PRKN: variants seen among roughly 807,000 people sequenced by gnomAD.
PRKN encodes the protein parkin RBR E3 ubiquitin protein ligase.
Under a neutral mutation model 59.5 loss-of-function variants are expected in PRKN, and 56 were observed. The observed-to-expected ratio is 0.94, with a 90% CI of 0.76 to 1.18. The LOEUF (loss-of-function observed/expected upper bound fraction) is 1.18, where lower values mean the gene tolerates loss of function less well. Among genes scored for constraint, PRKN ranks in the 50% most tolerant of loss-of-function variants. The pLI is 0.00. For synonymous variants in PRKN, 250 were observed against 222.1 expected, an observed-to-expected ratio of 1.13 and a Z score of -1.12; for missense variants, 657 against 596.4, an observed-to-expected ratio of 1.10 and a Z score of -1.06.
intron 6 of PRKN, among the ~76,000 whole-genome samples, chr6:161,963,318 C>T (rs914938777): frequency 2.0e-5 from 3 of 152,186 alleles, no homozygotes; most frequent in African/African-American, 2.4e-5. Flanking sequence ...TGCGCACCTG[C>T]GGTGACAGTT....
intron 7 of PRKN, among the ~76,000 whole-genome samples, chr6:161,715,743 G>T (rs1355606092): frequency 6.6e-6 from 1 of 152,120 alleles, no homozygotes; most frequent in Non-Finnish European, 1.5e-5. Context: ...GCCAGCTGTG[G>T]CTGAGAGGAT....
chr6:161,902,027 T>G (rs1442600207), intron 6 of PRKN, among the ~76,000 whole-genome samples: 1 of 152,178 alleles, frequency 6.6e-6, no homozygotes, highest in African/African-American at 2.4e-5. Flanking sequence ...TTCCGAATGG[T>G]ACTTTCTTCC....
chr6:162,007,817 C>T (rs1782319931), intron 5 of PRKN, among the ~76,000 whole-genome samples: 1 of 152,096 alleles, frequency 6.6e-6, no homozygotes, highest in African/African-American at 2.4e-5. Context: ...CTTCATTCCA[C>T]AAACACTAAA....
At chr6:162,182,099 T>C (rs887100643) in intron 4 of PRKN, among the ~76,000 whole-genome samples, 11 of 152,132 alleles carry the variant, frequency 7.2e-5, no homozygotes, top group Non-Finnish European at 1.5e-4. Context: ...AGTGTGTTCT[T>C]TTTACACACT....
intron 9 of PRKN, among the ~76,000 whole-genome samples, chr6:161,531,624 C>T (rs1347667033): frequency 1.3e-5 from 2 of 152,080 alleles, no homozygotes; most frequent in African/African-American, 2.4e-5. Flanking sequence ...GGGGCTTGTA[C>T]GTGTGAGTGG....
intron 5 of PRKN, among the ~76,000 whole-genome samples, chr6:161,997,283 G>T (rs1429733444): frequency 6.6e-6 from 1 of 152,018 alleles, no homozygotes; most frequent in Non-Finnish European, 1.5e-5. Flanking sequence ...TTAATTTTAT[G>T]TTACTGAGAG....
At chr6:162,427,870 A>C (rs1789317592) in intron 2 of PRKN, among the ~76,000 whole-genome samples, 1 of 152,128 alleles carries the variant, frequency 6.6e-6, no homozygotes, top group Middle Eastern at 3.2e-3. Flanking sequence ...AAAGTATAAA[A>C]ACATAGTTGA....
chr6:161,688,744 C>T (rs1785659900), intron 7 of PRKN, among the ~76,000 whole-genome samples: 1 of 152,168 alleles, frequency 6.6e-6, no homozygotes, highest in South Asian at 2.1e-4. Context: ...TCTTGTTCAC[C>T]ACTCAGTGAA....
At chr6:162,281,295 T>C (rs1562637663) in intron 2 of PRKN, among the ~76,000 whole-genome samples, 1 of 151,968 alleles carries the variant, frequency 6.6e-6, no homozygotes, top group Non-Finnish European at 1.5e-5. Flanking sequence ...AGGGATAGCA[T>C]TAGGAGAAAT....
At chr6:161,792,922 A>T (rs1790694669) in intron 6 of PRKN, among the ~76,000 whole-genome samples, 1 of 152,230 alleles carries the variant, frequency 6.6e-6, no homozygotes, top group African/African-American at 2.4e-5. Context: ...AAATGACTGA[A>T]ATCTCAGAGA....
Position 161,405,909 on chromosome 6 carries a change from T to C in PRKN, c.1084-19032A>G, listed in dbSNP as rs1376540811. 6.6e-6 allele frequency among the ~76,000 whole-genome samples: 1 copy of C among 152,076 alleles called. No homozygotes were observed. Among genetic ancestry groups the C allele is most frequent in the Non-Finnish European group, 1.5e-5 (1 of 68,022 alleles). The stretch of plus-strand genomic sequence containing the variant: ...CCACTAATTTGGAAAATGATGCTTT[T>C]CTTTGCTGAAGAGGAATGTCAAGTT... On this transcript the variant is annotated intron_variant, in intron 9 of 11. Transcript: ENST00000366898. The surrounding 1 kb of genome is among the most constrained non-coding windows in gnomAD (Gnocchi z 5.1).
chr6:161,545,410 C>A lies in PRKN; in HGVS notation c.1083+3444G>T. ...ATGAGGCACTCACTTCTCCCTGAGG[C>A]AGCTTATTTTGTTCTTCGTTGTCCA... is the stretch of plus-strand genomic sequence containing the variant. On this transcript the variant is annotated intron_variant, in intron 9 of 11. Transcript: ENST00000366898. This position sits in a 1 kb window ranked among gnomAD's most constrained non-coding sequence, Gnocchi z 4.1. 1 of 1,612,316 alleles carries A rather than the reference C, an allele frequency of 6.2e-7. No individual in the cohort carries two copies. Among genetic ancestry groups the A allele is most frequent in the South Asian group, 1.1e-5 (1 of 91,004 alleles).
At chr6:162,354,655 A>C (rs894208897) in intron 2 of PRKN, among the ~76,000 whole-genome samples, 3 of 152,044 alleles carry the variant, frequency 2.0e-5, no homozygotes, top group African/African-American at 7.2e-5. Context: ...TAAAGCATAC[A>C]TTTATTACAT....
chr6:161,451,923 TTTTTC>T lies in PRKN; in HGVS notation c.1084-65051_1084-65047del, dbSNP rs1283898552. On this transcript the variant is annotated intron_variant, in intron 9 of 11. Coordinates refer to ENST00000366898, the MANE Select transcript of PRKN (RefSeq NM_004562.3). The surrounding 1 kb of genome is among the most constrained non-coding windows in gnomAD (Gnocchi z 5.9). The stretch of plus-strand genomic sequence containing the variant: ...AAATTTAAGACATTCTTTTTTTTCT[TTTTTC>T]TTTTCTTTTCTTTTACTTTTTTCTT... 4.1e-5 allele frequency among the ~76,000 whole-genome samples: 6 copies of T among 146,942 alleles called. No homozygotes were observed. The highest frequency in any genetic ancestry group is 2.1e-4 in the South Asian group (1 of 4,806).
intron 10 of PRKN, among the ~76,000 whole-genome samples, chr6:161,381,563 G>A (rs1177378123): frequency 6.6e-6 from 1 of 152,178 alleles, no homozygotes; most frequent in African/African-American, 2.4e-5. Context: ...AATTTAGGAG[G>A]CAGATGGAAG....
At chr6:161,810,779 T>C (rs976978174) in intron 6 of PRKN, among the ~76,000 whole-genome samples, 15 of 152,176 alleles carry the variant, frequency 9.9e-5, no homozygotes, top group African/African-American at 3.6e-4. Flanking sequence ...AATCAAAAAA[T>C]AAAATACAGT....
rs1193018003 is a variant in PRKN, at chr6:161,379,934, G to A, written c.1167+6860C>T. ...TTCATATTACAGCCAGAGATCTTTC[G>A]AAAGCACCCATCTGATGACGTCAAT... On this transcript the variant is annotated intron_variant, in intron 10 of 11. Coordinates refer to ENST00000366898, the MANE Select transcript of PRKN (RefSeq NM_004562.3). This position sits in a 1 kb window ranked among gnomAD's most constrained non-coding sequence, Gnocchi z 4.9. Among the ~76,000 whole-genome samples, 1 of 152,094 alleles carries A rather than the reference G, an allele frequency of 6.6e-6. No homozygotes were observed. The highest frequency in any genetic ancestry group is 6.6e-5 in the Admixed American group (1 of 15,266).
chr6:161,351,384 G>A (rs1397402018), intron 11 of PRKN, among the ~76,000 whole-genome samples: 3 of 151,138 alleles, frequency 2.0e-5, no homozygotes, highest in Non-Finnish European at 4.4e-5. Flanking sequence ...GAGTGCAGTG[G>A]CGAGATCTTG....
chr6:162,428,742 G>T lies in PRKN; in HGVS notation c.171+14568C>A, dbSNP rs73604263. The stretch of plus-strand genomic sequence containing the variant: ...CTCCATTACAACGTCTAGTACCCTA[G>T]CGAAGCCCCATGCTCCGTCCCCCAA... On this transcript the variant is annotated intron_variant, in intron 2 of 11. Transcript: ENST00000366898. Among the ~76,000 whole-genome samples the T allele has an allele frequency of 4.8e-3, 731 of 152,188 alleles. 11 individuals are homozygous for T. The highest frequency in any genetic ancestry group is 0.017 in the African/African-American group (704 of 41,530).
Sources: gnomAD v4.1 joint callset for allele counts (sites outside exome capture counted in the v4.1 genomes callset) on GRCh38, gnomAD v4.1.1 for gene constraint, Gnocchi (gnomAD v3.1) non-coding constraint, MANE v1.5 for transcripts, NCBI Gene and HGNC (gene_info 2026-07-23, HGNC 2026-07-21) for gene names.